POLE: variants seen among roughly 807,000 people sequenced by gnomAD.
POLE encodes DNA polymerase epsilon catalytic subunit A.
In POLE, 188 loss-of-function variants were observed where a neutral mutation model predicts 279.2. The observed-to-expected ratio is 0.67, with a 90% CI of 0.60 to 0.76. The LOEUF (loss-of-function observed/expected upper bound fraction) is 0.76. POLE is among the 30% of genes least tolerant of loss of function. The pLI is 0.00. For synonymous variants in POLE, 1,214 were observed against 1,172.5 expected, an observed-to-expected ratio of 1.04 and a Z score of -0.72; for missense variants, 2,703 against 3,016.7, an observed-to-expected ratio of 0.90 and a Z score of 2.44.
chr12:132,673,457 C>T (rs2042977021), intron 13 of POLE, 118 bp downstream of exon 13: 2 of 1,452,038 alleles, frequency 1.4e-6, no homozygotes, highest in Non-Finnish European at 1.9e-6. Flanking sequence ...GGCTGGCATA[C>T]ATGCGTGCAC....
At chr12:132,640,350 TG>T (rs1202350961) in intron 39 of POLE, among the ~76,000 whole-genome samples, 2 of 152,220 alleles carry the variant, frequency 1.3e-5, no homozygotes, top group Non-Finnish European at 2.9e-5. Context: ...GGGGCTGCCC[TG>T]GGCTGGGTCT....
Position 132,663,990 on chromosome 12 carries a change from G to A in POLE, c.2706+14C>T, listed in dbSNP as rs766696501. 3.1e-6 allele frequency: 5 copies of A among 1,613,468 alleles called. No individual in the cohort carries two copies. In the Admixed American group the frequency reaches 5.0e-5, roughly 16 times the overall value. Reference sequence around the variant, plus strand: ...GGCCAGCCAGAGCTTCAGGACCAGAGGCCCCAGACTCACCTTGACCATGAT... The same window carrying A: ...GGCCAGCCAGAGCTTCAGGACCAGAAGCCCCAGACTCACCTTGACCATGAT... On this transcript the variant is annotated intron_variant, in intron 23 of 48. Coordinates refer to ENST00000320574, the MANE Select transcript of POLE (RefSeq NM_006231.4).
intron 16 of POLE, among the ~76,000 whole-genome samples, chr12:132,670,237 G>A (rs1214756903): frequency 6.6e-5 from 10 of 151,262 alleles, no homozygotes; most frequent in Non-Finnish European, 1.0e-4. Context: ...TTACCCAGGC[G>A]TGGTGGCAAG....
In POLE at chr12:132,657,926, T is replaced by G. The variant is rs1060500800; in HGVS notation, c.3320A>C (p.Lys1107Thr). 6.2e-7 allele frequency: 1 copy of G among 1,614,142 alleles called. No homozygotes were observed. Residue 1107 changes from lysine (K) to threonine (T), a missense_variant, in exon 27 of 49, where the codon AAG becomes ACG. Transcript: ENST00000320574. ...AIFQAEPTVR[K>T]HFLRKWLKSS... is the part of the protein sequence containing the mutation. ...CTTGAGCCATTTCCGGAGAAAGTGC[T>G]TCCTCACCGTGGGCTCTGCTTGGAA...
At chr12:132,642,455 G>C (rs2042167828) in intron 37 of POLE, 51 bp downstream of exon 37, 1 of 1,600,808 alleles carries the variant, frequency 6.2e-7, no homozygotes, top group East Asian at 2.2e-5. Flanking sequence ...AGACCACCGA[G>C]GCCGGCTCTG....
At chr12:132,649,193 G>T (rs1187390171) in intron 31 of POLE, 113 bp downstream of exon 31, 2 of 1,496,380 alleles carry the variant, frequency 1.3e-6, no homozygotes, top group Admixed American at 1.9e-5. Context: ...CGATGGGCAG[G>T]AAACTCCAGG....
chr12:132,667,749 C>T, intron 19 of POLE, 101 bp from the exon 20 acceptor site: 3 of 1,258,446 alleles, frequency 2.4e-6, no homozygotes, highest in Non-Finnish European at 3.4e-6. Context: ...TACGTCACCA[C>T]AAAGGAGCAA....
chr12:132,669,087 G>C (rs1272247346), intron 16 of POLE, 148 bp from the exon 17 acceptor site: 8 of 661,002 alleles, frequency 1.2e-5, no homozygotes, highest in Non-Finnish European at 2.0e-5. Context: ...AGTTAAGAAG[G>C]GTTGCCATCA....
chr12:132,643,722 G>T, intron 33 of POLE, 115 bp downstream of exon 33: 1 of 1,462,586 alleles, frequency 6.8e-7, no homozygotes. Flanking sequence ...CTCACCTGTG[G>T]GAACGAGTCC....
chr12:132,679,297 G>C (rs1446141160), intron 6 of POLE, among the ~76,000 whole-genome samples, 200 bp downstream of exon 6: 1 of 152,074 alleles, frequency 6.6e-6, no homozygotes, highest in African/African-American at 2.4e-5. Context: ...CATTGGAAAA[G>C]AGAGCTAACA....
rs751201043 is a variant in POLE at position 132,661,782 on chromosome 12, G to C, written c.2707-98C>G. The C allele has an allele frequency of 5.6e-6, 7 of 1,259,752 alleles. No individual in the cohort carries two copies. The highest frequency in any genetic ancestry group is 2.2e-5 in the Admixed American group (1 of 45,310). The allele number at this position is 1,259,752 out of a possible 1,614,324, so 78.0% of individuals were successfully genotyped here. On this transcript the variant is annotated intron_variant, in intron 23 of 48. Transcript: ENST00000320574. The surrounding 1 kb of genome is among the most constrained non-coding windows in gnomAD (Gnocchi z 4.1). ...CCAGGAGTGGATGGATTGACAAACC[G>C]AGGCTTTTCCACATAACTAACACGA...
At position 132,632,697 on chromosome 12, in the gene POLE, G is replaced by A. The variant is rs757478410; in HGVS notation, c.6103C>T (p.Gln2035Ter). Reference sequence around the variant, plus strand: ...GCTCCGACCGCCCCCTCGGCCTCCTGGGAGAGCTGGCTGGCCCCCCTCCTC... The same window carrying A: ...GCTCCGACCGCCCCCTCGGCCTCCTAGGAGAGCTGGCTGGCCCCCCTCCTC... ...VRRRGASQLS[Q>*]EAEGAVGALP... is the part of the protein sequence containing the mutation. The change falls in exon 44 of 49, where the codon CAG (glutamine) becomes TAG (stop). Residue 2035 changes from glutamine to a stop codon, truncating the protein, a stop_gained. Transcript: ENST00000320574. LOFTEE classifies it high-confidence loss of function. 3 of 1,613,970 alleles carry A rather than the reference G, an allele frequency of 1.9e-6. No homozygotes were observed. The highest frequency in any genetic ancestry group is 2.5e-6 in the Non-Finnish European group (3 of 1,179,984).
At chr12:132,635,617 C>T (rs1219278527) in intron 42 of POLE, among the ~76,000 whole-genome samples, 8 of 152,272 alleles carry the variant, frequency 5.3e-5, no homozygotes, top group Non-Finnish European at 8.8e-5. Flanking sequence ...AACTATGGTG[C>T]ACTTCATCAG....
intron 19 of POLE, 108 bp from the exon 20 acceptor site, chr12:132,667,756 G>C (rs887319592): frequency 8.4e-7 from 1 of 1,184,114 alleles, no homozygotes; most frequent in Non-Finnish European, 1.2e-6. Context: ...CCACAAAGGA[G>C]CAACAGCTCA....
chr12:132,628,809 C>T (rs2041884131), intron 45 of POLE, among the ~76,000 whole-genome samples: 1 of 152,354 alleles, frequency 6.6e-6, no homozygotes, highest in East Asian at 1.9e-4. Flanking sequence ...CTTGCTGTTT[C>T]CACCACATCT....
chr12:132,666,255 A>G (rs2042794651), intron 20 of POLE, among the ~76,000 whole-genome samples: 1 of 152,270 alleles, frequency 6.6e-6, no homozygotes, highest in South Asian at 2.1e-4. Context: ...TTACAAAAAT[A>G]CAGTACAGAT....
Position 132,643,224 on chromosome 12 carries a change from A to C in POLE, c.4551T>G (p.Thr1517=), listed in dbSNP as rs1033333357. 1.2e-6 allele frequency: 2 copies of C among 1,612,350 alleles called. No individual in the cohort carries two copies. The highest frequency in any genetic ancestry group is 1.7e-5 in the Admixed American group (1 of 60,006). The change falls in exon 35 of 49, where the codon ACT becomes ACG. Residue 1517 remains threonine, a splice_region_variant and synonymous_variant. Coordinates refer to ENST00000320574, the MANE Select transcript of POLE (RefSeq NM_006231.4). ...CTGCCATGGAGGGCCCAGGACTCAC[A>C]GTGTCCAGCACAAAGACGGATGCCC... is the stretch of plus-strand genomic sequence containing the variant. ...QRRASVFVLD[T]VRSNQMPSLG...
chr12:132,642,002 A>G (rs1452313160), intron 38 of POLE, 151 bp from the exon 39 acceptor site: 4 of 932,290 alleles, frequency 4.3e-6, no homozygotes, highest in Non-Finnish European at 6.6e-6. Flanking sequence ...CAGATTCCCG[A>G]GGGCACAGGA....
At chr12:132,670,238 T>C (rs1247069781) in intron 16 of POLE, among the ~76,000 whole-genome samples, 1 of 149,554 alleles carries the variant, frequency 6.7e-6, no homozygotes, top group African/African-American at 2.5e-5. Flanking sequence ...TACCCAGGCG[T>C]GGTGGCAAGC....
Sources: gnomAD v4.1 joint callset for allele counts (sites outside exome capture counted in the v4.1 genomes callset) on GRCh38, gnomAD v4.1.1 for gene constraint, Gnocchi (gnomAD v3.1) non-coding constraint, MANE v1.5 for transcripts, NCBI Gene and HGNC (gene_info 2026-07-23, HGNC 2026-07-21) for gene names.